ERICH1: variants seen among roughly 807,000 people sequenced by gnomAD.
ERICH1 encodes the protein glutamate-rich protein 1.
ERICH1 carries 56 observed loss-of-function variants against 39.6 expected under a neutral mutation model. That is an observed-to-expected ratio of 1.41 (90% CI 1.14 to 1.77). ERICH1 has a LOEUF of 1.77. Among genes scored for constraint, ERICH1 ranks in the 40% most tolerant of loss-of-function variants. The pLI is 0.00. For synonymous variants in ERICH1, 313 were observed against 223.6 expected (o/e 1.40, Z -3.57); for missense variants, 826 against 575.4 (o/e 1.44, Z -4.45).
intron 2 of ERICH1, among the ~76,000 whole-genome samples, chr8:707,361 C>T (rs908512712): frequency 2.0e-5 from 3 of 152,060 alleles, no homozygotes; most frequent in Admixed American, 1.3e-4. Context: ...GTACCTGCCA[C>T]CATGCCTGAA....
intron 3 of ERICH1, among the ~76,000 whole-genome samples, chr8:641,634 G>C (rs956266140): frequency 2.6e-5 from 4 of 152,234 alleles, no homozygotes; most frequent in African/African-American, 9.6e-5. Context: ...AGGAGGTAGT[G>C]TGTCTGAGCG....
At chr8:700,612 C>T (rs1263735172) in intron 2 of ERICH1, among the ~76,000 whole-genome samples, 2 of 151,452 alleles carry the variant, frequency 1.3e-5, no homozygotes, top group African/African-American at 2.4e-5. Context: ...CAGCTCCAGT[C>T]AGTCCTCACT....
chr8:685,571 A>G (rs1585289023), intron 3 of ERICH1, among the ~76,000 whole-genome samples: 1 of 152,214 alleles, frequency 6.6e-6, no homozygotes, highest in Non-Finnish European at 1.5e-5. Flanking sequence ...ATTTATGTTC[A>G]GAGATTGCAA....
chr8:617,064 G>A (rs1796967637), intron 3 of ERICH1, among the ~76,000 whole-genome samples: 1 of 151,922 alleles, frequency 6.6e-6, no homozygotes, highest in Admixed American at 6.6e-5. Flanking sequence ...TTCCCACTTT[G>A]ACTCTTTGTC....
At chr8:672,886 G>C (rs1803748289) in intron 4 of ERICH1, among the ~76,000 whole-genome samples, 1 of 152,250 alleles carries the variant, frequency 6.6e-6, no homozygotes, top group South Asian at 2.1e-4. Flanking sequence ...TGCTTATGAA[G>C]GTGAGCTCAG....
intron 3 of ERICH1, among the ~76,000 whole-genome samples, chr8:625,248 T>C (rs953535398): frequency 9.2e-5 from 14 of 152,212 alleles, no homozygotes; most frequent in African/African-American, 1.9e-4. Context: ...ATCCGATGAA[T>C]AGATAAATAA....
chr8:711,575 T>G (rs1814744998), intron 2 of ERICH1, among the ~76,000 whole-genome samples: 1 of 151,876 alleles, frequency 6.6e-6, no homozygotes, highest in Admixed American at 6.6e-5. Flanking sequence ...CTCAGCTCAC[T>G]GCAACCTCTG....
chr8:616,618 GA>G (rs112388682), intron 3 of ERICH1: 42 of 455,092 alleles, frequency 9.2e-5, no homozygotes, highest in Non-Finnish European at 1.6e-4. Context: ...AGTGAGTGGG[GA>G]GAGGGAGGCA....
At position 673,502 on chromosome 8, in the gene ERICH1, G is replaced by C. The variant is rs770371219; in HGVS notation, c.850C>G (p.Arg284Gly). The change falls in exon 4 of 6, where the codon CGG (arginine) becomes GGG (glycine). Residue 284 changes from arginine (R) to glycine (G), a missense_variant. Arg to Gly is a moderately radical substitution (Grantham distance 125, BLOSUM62 -2). Coordinates refer to ENST00000262109, the MANE Select transcript of ERICH1 (RefSeq NM_207332.3). ...TCTTTACCGTCTTCCTCCCCGGCCC[G>C]TGTCAGGTCTTCCTCAATGGTGTCC... ...GVDTIEEDLT[R>G]AGEEDGKDTR... The C allele has an allele frequency of 6.2e-7, 1 of 1,611,294 alleles. No individual in the cohort carries two copies. The highest frequency in any genetic ancestry group is 1.4e-5 in the African/African-American group (1 of 74,042).
chr8:687,543 C>G (rs1054128697), intron 3 of ERICH1, among the ~76,000 whole-genome samples: 2 of 152,244 alleles, frequency 1.3e-5, no homozygotes, highest in Admixed American at 6.5e-5. Context: ...TGAGGGGGCG[C>G]AGGGGAGAGG....
exon 4 of ERICH1, chr8:615,156 A>G: frequency 1.6e-6 from 1 of 625,542 alleles, no homozygotes; most frequent in Non-Finnish European, 2.8e-6. Flanking sequence ...AAAAGTTACT[A>G]TCACACAAAG....
chr8:687,619 G>C (rs1050219804), intron 3 of ERICH1, among the ~76,000 whole-genome samples: 1 of 152,182 alleles, frequency 6.6e-6, no homozygotes, highest in African/African-American at 2.4e-5. Flanking sequence ...TCCCTGTGGA[G>C]CGCAGCAGGA....
intron 2 of ERICH1, among the ~76,000 whole-genome samples, chr8:701,299 C>T (rs1812077610): frequency 6.6e-6 from 1 of 151,566 alleles, no homozygotes; most frequent in South Asian, 2.1e-4. Flanking sequence ...CGGACGGGAG[C>T]ACGCCATACC....
intron 1 of ERICH1, among the ~76,000 whole-genome samples, chr8:719,182 C>T (rs1209522588): frequency 2.0e-5 from 3 of 152,166 alleles, no homozygotes; most frequent in African/African-American, 4.8e-5. Context: ...GAGGCCGTTT[C>T]AACCGTGAAA....
chr8:727,018 G>A (rs1818916137), intron 1 of ERICH1, among the ~76,000 whole-genome samples: 1 of 145,176 alleles, frequency 6.9e-6, no homozygotes, highest in South Asian at 2.2e-4. Flanking sequence ...GCACACACAT[G>A]CATGCACACA....
chr8:685,367 A>G (rs891688075), intron 3 of ERICH1, among the ~76,000 whole-genome samples: 1 of 152,132 alleles, frequency 6.6e-6, no homozygotes, highest in Non-Finnish European at 1.5e-5. Flanking sequence ...TTTTGTCAAG[A>G]TGCCCAGATT....
intron 2 of ERICH1, among the ~76,000 whole-genome samples, chr8:699,928 GGCGCACAGACCCGCACAC>G (rs1563296339): frequency 1.6e-4 from 11 of 67,706 alleles, no homozygotes; most frequent in Non-Finnish European, 2.8e-4. Context: ...GGCCCGCACA[GGCGCACAGACCCGCACAC>G]GCGCACAGGC....
intron 3 of ERICH1, among the ~76,000 whole-genome samples, chr8:619,225 A>C (rs1797123174): frequency 6.6e-6 from 1 of 152,154 alleles, no homozygotes; most frequent in South Asian, 2.1e-4. Context: ...CCAAATAAAG[A>C]GAAAGCCTTG....
chr8:707,669 T>C (rs1813626132), intron 2 of ERICH1, among the ~76,000 whole-genome samples: 1 of 152,182 alleles, frequency 6.6e-6, no homozygotes, highest in African/African-American at 2.4e-5. Context: ...GACCTACACA[T>C]AAGTGCTAAA....
Sources: gnomAD v4.1 joint callset for allele counts (sites outside exome capture counted in the v4.1 genomes callset) on GRCh38, gnomAD v4.1.1 for gene constraint, MANE v1.5 for transcripts, NCBI Gene and HGNC (gene_info 2026-07-23, HGNC 2026-07-21) for gene names.